Variants in GNB4 observed in about 807,000 individuals in gnomAD.
GNB4 encodes guanine nucleotide-binding protein subunit beta-4.
GNB4 carries 28 observed loss-of-function variants against 45.2 expected under a neutral mutation model. That is an observed-to-expected ratio of 0.62 (90% confidence interval 0.46 to 0.85). The LOEUF is 0.85. Among genes scored for constraint, GNB4 ranks in the 40% least tolerant of loss-of-function variants. The pLI, the probability that GNB4 is intolerant of heterozygous loss-of-function variation, is 0.00. For missense variants in GNB4, 321 were observed against 425.4 expected, an observed-to-expected ratio of 0.75 and a Z score of 2.16; for synonymous variants, 132 against 143.7, an observed-to-expected ratio of 0.92 and a Z score of 0.58.
chr3:179,439,044 C>A (rs188500361), intron 1 of GNB4, among the ~76,000 whole-genome samples: 1 of 152,152 alleles, frequency 6.6e-6, no homozygotes, highest in African/African-American at 2.4e-5. Flanking sequence ...ATCAGCATCA[C>A]GTAGAAACCT....
intron 5 of GNB4, among the ~76,000 whole-genome samples, chr3:179,416,121 G>C (rs16830445): frequency 0.027 from 4,099 of 152,086 alleles, 172 homozygotes; most frequent in African/African-American, 0.087. Context: ...TCAGTGCCTG[G>C]AGCGGGCCAA....
intron 8 of GNB4, 45 bp downstream of exon 8, chr3:179,413,367 C>T (rs1714705588): frequency 6.7e-7 from 1 of 1,485,982 alleles, no homozygotes; most frequent in Admixed American, 1.7e-5. Flanking sequence ...GAGCTCAACA[C>T]TTTAAATGCA....
chr3:179,403,800 A>AAAAAAT (rs1553850322), intron 9 of GNB4, among the ~76,000 whole-genome samples: 3 of 148,554 alleles, frequency 2.0e-5, no homozygotes, highest in Non-Finnish European at 3.0e-5. Context: ...TCCGTCTCAA[A>AAAAAAT]AAAATAAAAT....
chr3:179,485,669 G>C, the GNB4 span, among the ~76,000 whole-genome samples: 2 of 152,112 alleles, frequency 1.3e-5, no homozygotes, highest in Non-Finnish European at 2.9e-5. Flanking sequence ...AGCTGGGCAC[G>C]ATTGCTCATG....
In GNB4 at chr3:179,401,150, G is replaced by C. The variant is rs1191136840; in HGVS notation, c.*63C>G. 1.7e-6 allele frequency: 2 copies of C among 1,175,518 alleles called. No homozygotes were observed. The highest frequency in any genetic ancestry group is 2.5e-6 in the Non-Finnish European group (2 of 815,314). The allele number at this position is 1,175,518 out of a possible 1,614,324, so 72.8% of individuals were successfully genotyped here. A position where few individuals can be genotyped will look rare whatever the true frequency, so the allele number is the denominator to read the frequency against. ...AAATATAAGGTAGAATTTTTTCACA[G>C]CTATAGGCTGTAGCATTGATTTCTC... On this transcript the variant is annotated 3_prime_UTR_variant, in exon 10 of 10. Coordinates refer to ENST00000232564, the MANE Select transcript of GNB4 (RefSeq NM_021629.4).
chr3:179,453,527 A>G (rs1414333329), upstream of GNB4, among the ~76,000 whole-genome samples: 1 of 152,220 alleles, frequency 6.6e-6, no homozygotes, highest in Admixed American at 6.5e-5. Context: ...TTATTTGTTG[A>G]AAAACAAGTT....
chr3:179,485,058 T>C, the GNB4 span, among the ~76,000 whole-genome samples: 2 of 141,492 alleles, frequency 1.4e-5, no homozygotes, highest in South Asian at 2.2e-4. Context: ...TTGCCCAGGC[T>C]GGAGTGCAGT....
At chr3:179,477,507 C>T in the GNB4 span, among the ~76,000 whole-genome samples, 2 of 152,162 alleles carry the variant, frequency 1.3e-5, no homozygotes, top group Non-Finnish European at 2.9e-5. Flanking sequence ...TCTTGCTCCT[C>T]ATTTTCACAT....
At chr3:179,517,179 G>T in the GNB4 span, among the ~76,000 whole-genome samples, 9 of 152,166 alleles carry the variant, frequency 5.9e-5, no homozygotes, top group East Asian at 7.7e-4. Context: ...CAAAAGAAGT[G>T]AAAATGGCCT....
the GNB4 span, among the ~76,000 whole-genome samples, chr3:179,506,258 A>G: frequency 6.6e-6 from 1 of 152,086 alleles, no homozygotes; most frequent in Non-Finnish European, 1.5e-5. Context: ...GGATCACCTG[A>G]GCCCAAGAAG....
chr3:179,464,579 T>C, the GNB4 span: 1 of 1,483,434 alleles, frequency 6.7e-7, no homozygotes, highest in Non-Finnish European at 9.4e-7. Flanking sequence ...TTGGCGAGAG[T>C]TCTGCAAGTC....
chr3:179,447,879 T>C (rs1715777194), intron 1 of GNB4, among the ~76,000 whole-genome samples: 1 of 152,204 alleles, frequency 6.6e-6, no homozygotes, highest in Non-Finnish European at 1.5e-5. Context: ...TACCATTGAC[T>C]GAGATGGAGA....
At chr3:179,461,741 T>C in the GNB4 span, among the ~76,000 whole-genome samples, 2 of 152,242 alleles carry the variant, frequency 1.3e-5, no homozygotes, top group African/African-American at 2.4e-5. Context: ...CTTCAACTAC[T>C]ATGACATTTT....
chr3:179,445,886 T>C (rs1715708531), intron 1 of GNB4, among the ~76,000 whole-genome samples: 1 of 152,192 alleles, frequency 6.6e-6, no homozygotes, highest in South Asian at 2.1e-4. Context: ...ACACAGTATA[T>C]GAACAAACCC....
At chr3:179,468,597 C>T in the GNB4 span, among the ~76,000 whole-genome samples, 1 of 152,116 alleles carries the variant, frequency 6.6e-6, no homozygotes, top group Non-Finnish European at 1.5e-5. Flanking sequence ...AGCCTCCACT[C>T]TTTGGAATTC....
intron 8 of GNB4, among the ~76,000 whole-genome samples, chr3:179,409,817 AAAC>A (rs1489554219): frequency 5.1e-5 from 6 of 117,706 alleles, no homozygotes; most frequent in Admixed American, 9.1e-5. Flanking sequence ...TCAAAAAAAA[AAAC>A]AAAAAAACAA....
rs575502975 is a variant in GNB4, at chr3:179,439,224, G to A, written c.-43+12122C>T. On this transcript the variant is annotated intron_variant, in intron 1 of 9. Transcript: ENST00000232564. ...ATTTACACAAGCAGTTTAACATCGTGTGATTGGAGGAAAGTTCAAGAACGT... is the reference window on the plus strand; with the variant it reads ...ATTTACACAAGCAGTTTAACATCGTATGATTGGAGGAAAGTTCAAGAACGT... Among the ~76,000 whole-genome samples, 11 of 152,294 alleles carry A rather than the reference G, an allele frequency of 7.2e-5. No homozygotes were observed. The South Asian group carries it at 2.1e-3, about 29-fold the overall frequency.
chr3:179,478,405 G>C, the GNB4 span, among the ~76,000 whole-genome samples: 9 of 152,250 alleles, frequency 5.9e-5, no homozygotes, highest in East Asian at 1.7e-3. Flanking sequence ...GATCCATAGG[G>C]AACAGTTAGG....
chr3:179,466,135 T>A, the GNB4 span, among the ~76,000 whole-genome samples: 1 of 151,024 alleles, frequency 6.6e-6, no homozygotes, highest in South Asian at 2.1e-4. Context: ...CTCAGCCTCC[T>A]GAGCAGCTGG....
Sources: allele counts gnomAD v4.1 joint callset (sites outside exome capture counted in the v4.1 genomes callset), GRCh38; gene constraint gnomAD v4.1.1; transcripts MANE v1.5; gene names NCBI Gene and HGNC (gene_info 2026-07-23, HGNC 2026-07-21).